The following PLXDC1 variants were observed in gnomAD, a reference collection of about 807,000 sequenced individuals.
PLXDC1 encodes plexin domain-containing protein 1.
In PLXDC1, 39 loss-of-function variants were observed where a neutral mutation model predicts 61.3. The observed-to-expected ratio is 0.64, with a 90% confidence interval of 0.49 to 0.83. PLXDC1 has a LOEUF of 0.83. Among genes scored for constraint, PLXDC1 ranks in the 40% least tolerant of loss-of-function variants. PLXDC1 has a pLI of 0.00. For synonymous variants in PLXDC1, 212 were observed against 254.5 expected (o/e 0.83, Z 1.59); for missense variants, 596 against 666.5 (o/e 0.89, Z 1.17).
chr17:39,080,137 T>C (rs1360644172), intron 9 of PLXDC1: 1 of 153,876 alleles, frequency 6.5e-6, no homozygotes, highest in Non-Finnish European at 1.4e-5. Flanking sequence ...TAGGGCTGGG[T>C]GTGGTGGCTC....
In PLXDC1 at chr17:39,095,366, CG is replaced by C. The variant is rs1567759209; in HGVS notation, c.812-7665del. ...TTTTAATAAAAGAATCCTTACGCCC[CG>C]CCCCCCCCCCCCAACCCCCCAAGCC... On this transcript the variant is annotated intron_variant, in intron 7 of 13. Coordinates refer to ENST00000315392, the MANE Select transcript of PLXDC1 (RefSeq NM_020405.5). Among the ~76,000 whole-genome samples the C allele has an allele frequency of 4.8e-3, 44 of 9,084 alleles. 2 individuals are homozygous for C. The East Asian group carries it at 0.097, about 20-fold the overall frequency. 6.0% of individuals were successfully genotyped at this position (9,084 alleles called of 152,430 possible).
chr17:39,084,730 G>A (rs557695660), intron 8 of PLXDC1, among the ~76,000 whole-genome samples: 81 of 152,352 alleles, frequency 5.3e-4, no homozygotes, highest in African/African-American at 1.9e-3. Flanking sequence ...AGCCTGGGCA[G>A]GACAGAGCCA....
chr17:39,083,981 G>T (rs1343005471), intron 8 of PLXDC1, among the ~76,000 whole-genome samples: 1 of 152,162 alleles, frequency 6.6e-6, no homozygotes, highest in African/African-American at 2.4e-5. Flanking sequence ...GGATTCAGCA[G>T]TGAGACCTAG....
intron 7 of PLXDC1, among the ~76,000 whole-genome samples, chr17:39,103,139 C>A (rs1304084601): frequency 6.6e-6 from 1 of 151,360 alleles, no homozygotes; most frequent in Non-Finnish European, 1.5e-5. Context: ...GGCGTGAACC[C>A]GGGAGGTGGA....
chr17:39,068,971 C>T (rs917453909), intron 13 of PLXDC1, among the ~76,000 whole-genome samples: 3 of 152,266 alleles, frequency 2.0e-5, no homozygotes, highest in Admixed American at 6.5e-5. Flanking sequence ...TCTGCAGCCC[C>T]GAGTGAAGGG....
intron 7 of PLXDC1, among the ~76,000 whole-genome samples, chr17:39,095,213 G>T (rs1465819840): frequency 6.6e-6 from 1 of 151,602 alleles, no homozygotes; most frequent in African/African-American, 2.4e-5. Context: ...CGGAGTGGGG[G>T]AGGCTGAGTG....
At position 39,151,331 on chromosome 17, in the gene PLXDC1, G is replaced by A; in HGVS notation, c.76+31C>T. Reference sequence around the variant, plus strand: ...GACTGCCCGTCCCTCCCCGCCCCCGGCCCACCCGGGCCGGCTCCCGCCAGT... The same window carrying A: ...GACTGCCCGTCCCTCCCCGCCCCCGACCCACCCGGGCCGGCTCCCGCCAGT... On this transcript the variant is annotated intron_variant, in intron 1 of 13. Coordinates refer to ENST00000315392, the MANE Select transcript of PLXDC1 (RefSeq NM_020405.5). This position sits in a 1 kb window ranked among gnomAD's most constrained non-coding sequence, Gnocchi z 5.2. 1 of 1,264,232 alleles carries A rather than the reference G, an allele frequency of 7.9e-7. No homozygotes were observed. The highest frequency in any genetic ancestry group is 1.0e-6 in the Non-Finnish European group (1 of 1,003,848). 78.3% of individuals were successfully genotyped at this position (1,264,232 alleles called of 1,614,324 possible).
chr17:39,129,488 G>A (rs1362280025), intron 2 of PLXDC1, among the ~76,000 whole-genome samples: 6 of 150,794 alleles, frequency 4.0e-5, no homozygotes, highest in African/African-American at 9.8e-5. Flanking sequence ...ATGGTGGCAC[G>A]CGCCTGTAGT....
intron 9 of PLXDC1, 38 bp from the exon 10 acceptor site, chr17:39,079,202 T>G (rs1174514664): frequency 6.4e-7 from 1 of 1,569,250 alleles, no homozygotes; most frequent in African/African-American, 1.3e-5. Context: ...ATGATGGGAT[T>G]GACAAAGAAG....
intron 8 of PLXDC1, 132 bp from the exon 9 acceptor site, chr17:39,083,672 G>A: frequency 1.7e-5 from 12 of 713,174 alleles, no homozygotes; most frequent in South Asian, 1.6e-4. Context: ...GGTCATTAAT[G>A]CCACCTCCCT....
intron 2 of PLXDC1, among the ~76,000 whole-genome samples, chr17:39,129,377 G>T (rs994816352): frequency 4.0e-5 from 6 of 150,950 alleles, no homozygotes; most frequent in Non-Finnish European, 7.4e-5. Flanking sequence ...CCAGCACTTT[G>T]GGAGGCTGAG....
At chr17:39,079,763 G>A in intron 9 of PLXDC1, 1 of 348,986 alleles carries the variant, frequency 2.9e-6, no homozygotes, top group South Asian at 2.2e-5. Flanking sequence ...TGTTCTCCAT[G>A]CATCATTCCC....
intron 8 of PLXDC1, among the ~76,000 whole-genome samples, 175 bp downstream of exon 8, chr17:39,087,432 C>T (rs1430502062): frequency 6.6e-6 from 1 of 152,158 alleles, no homozygotes; most frequent in African/African-American, 2.4e-5. Flanking sequence ...GGTTCTCACC[C>T]TTACCCTATC....
chr17:39,151,684 G>C (rs1345975332), upstream of PLXDC1: 2 of 165,704 alleles, frequency 1.2e-5, no homozygotes, highest in Non-Finnish European at 2.5e-5. The surrounding 1 kb of genome is among the most constrained non-coding windows in gnomAD (Gnocchi z 5.2). Context: ...GTGGGGGGGA[G>C]CTGGGGCAGG....
chr17:39,100,019 G>A (rs750385356), intron 7 of PLXDC1, among the ~76,000 whole-genome samples: 4 of 152,056 alleles, frequency 2.6e-5, no homozygotes, highest in African/African-American at 7.2e-5. Context: ...CGTCTTCCTC[G>A]CCCTCTGCTT....
chr17:39,138,530 T>C (rs929200999), intron 2 of PLXDC1, among the ~76,000 whole-genome samples: 2 of 152,008 alleles, frequency 1.3e-5, no homozygotes, highest in African/African-American at 4.8e-5. Context: ...CAGCAGGCCA[T>C]GAATAGGTAC....
In PLXDC1 at chr17:39,065,395, CT is replaced by C. The variant is rs60090929; in HGVS notation, c.*2444del. On this transcript the variant is annotated 3_prime_UTR_variant, in exon 14 of 14. Transcript: ENST00000315392. The stretch of plus-strand genomic sequence containing the variant: ...CAATGTAAGCATTTCTTTTTCCGTT[CT>C]TTTTTTTTTTTTTTTTTTCGGAGAC... 0.52 allele frequency: 58,469 copies of C among 113,056 alleles called. 14,552 individuals are homozygous for C. Among genetic ancestry groups the C allele is most frequent in the Middle Eastern group, 0.66 (152 of 232 alleles). 7.0% of individuals were successfully genotyped at this position (113,056 alleles called of 1,614,324 possible).
intron 1 of PLXDC1, among the ~76,000 whole-genome samples, chr17:39,150,841 G>A (rs1385799987): frequency 6.6e-6 from 1 of 152,212 alleles, no homozygotes; most frequent in African/African-American, 2.4e-5. Flanking sequence ...ATAGGCAAGG[G>A]AAGGTGACCG....
intron 2 of PLXDC1, among the ~76,000 whole-genome samples, chr17:39,135,538 G>A (rs908490687): frequency 6.6e-6 from 1 of 151,904 alleles, no homozygotes; most frequent in Admixed American, 6.6e-5. Flanking sequence ...TTAGCTGGGC[G>A]TGGTGGCGCA....
Sources: gnomAD v4.1 joint callset for allele counts (sites outside exome capture counted in the v4.1 genomes callset) on GRCh38, gnomAD v4.1.1 for gene constraint, Gnocchi (gnomAD v3.1) non-coding constraint, MANE v1.5 for transcripts, NCBI Gene and HGNC (gene_info 2026-07-23, HGNC 2026-07-21) for gene names.